The following C3orf20 variants were observed in gnomAD, a reference collection of about 807,000 sequenced individuals.
The protein encoded by C3orf20 is uncharacterized protein C3orf20.
C3orf20 carries 76 observed loss-of-function variants against 88.3 expected under a neutral mutation model. That is an observed-to-expected ratio of 0.86 (90% CI 0.72 to 1.04). The LOEUF (loss-of-function observed/expected upper bound fraction) is 1.04. Ranked by LOEUF, C3orf20 falls within the 50% of genes least tolerant of loss-of-function variation. The probability of loss-of-function intolerance (pLI) is 0.00; values close to 1 mark genes in which losing one functional copy is unlikely to be tolerated. For synonymous variants in C3orf20, 436 were observed against 437.4 expected, an observed-to-expected ratio of 1.00 and a Z score of 0.04; for missense variants, 1,056 against 1,123.3, an observed-to-expected ratio of 0.94 and a Z score of 0.86.
intron 15 of C3orf20, among the ~76,000 whole-genome samples, chr3:14,769,748 C>T (rs745661117): frequency 1.3e-5 from 2 of 151,944 alleles, no homozygotes; most frequent in East Asian, 1.9e-4. Context: ...TCTGGTGGGG[C>T]GCGGGGTAGG....
At chr3:14,730,973 G>A (rs13087418) in intron 12 of C3orf20, among the ~76,000 whole-genome samples, 39,548 of 152,000 alleles carry the variant, frequency 0.26, 5,301 homozygotes, top group South Asian at 0.37. Context: ...TTCCTCAGGG[G>A]ATACTTTCCA....
chr3:14,752,924 G>A (rs1575153889), intron 12 of C3orf20, among the ~76,000 whole-genome samples: 1 of 152,226 alleles, frequency 6.6e-6, no homozygotes, highest in South Asian at 2.1e-4. Context: ...GTGGAAGACA[G>A]TGTGGCAATT....
rs561059347 is a variant in C3orf20 at position 14,712,163 on chromosome 3, C to A, written c.1161-1844C>A. 2.6e-4 allele frequency among the ~76,000 whole-genome samples: 27 copies of A among 103,892 alleles called. No homozygotes were observed. In the South Asian group the frequency reaches 5.4e-3, roughly 21 times the overall value. The allele number at this position is 103,892 out of a possible 152,430, so 68.2% of individuals were successfully genotyped here. On this transcript the variant is annotated intron_variant, in intron 7 of 16. Coordinates refer to ENST00000253697, the MANE Select transcript of C3orf20 (RefSeq NM_032137.5). ...TAAGAAGAGAAAACAGACACACACA[C>A]GCACACACACGCGCGCGCGCACACA...
Position 14,740,700 on chromosome 3 carries a change from T to C in C3orf20, c.1940+12012T>C, listed in dbSNP as rs541579018. On this transcript the variant is annotated intron_variant, in intron 12 of 16. Coordinates refer to ENST00000253697, the MANE Select transcript of C3orf20 (RefSeq NM_032137.5). ...GTTCTGTATATTTCATCTTTTTTTT[T>C]CCCTTTTGGTCAGCCTAGGTATTTT... Among the ~76,000 whole-genome samples, 22 of 152,332 alleles carry C rather than the reference T, an allele frequency of 1.4e-4. No homozygotes were observed. In the South Asian group the frequency reaches 1.9e-3, roughly 13 times the overall value.
At chr3:14,675,480 G>T (rs968706714) in intron 1 of C3orf20, among the ~76,000 whole-genome samples, 1 of 147,216 alleles carries the variant, frequency 6.8e-6, no homozygotes, top group African/African-American at 2.5e-5. Flanking sequence ...AAATCCAAAT[G>T]TTCAAAGGAA....
intron 11 of C3orf20, 152 bp from the exon 12 acceptor site, chr3:14,728,287 G>A: frequency 1.2e-6 from 1 of 829,232 alleles, no homozygotes; most frequent in Admixed American, 2.4e-5. Context: ...TACTGTATTG[G>A]ACAGCAGAGG....
intron 12 of C3orf20, among the ~76,000 whole-genome samples, chr3:14,750,269 G>A (rs372166175): frequency 1.3e-5 from 2 of 152,262 alleles, no homozygotes; most frequent in African/African-American, 4.8e-5. Flanking sequence ...CTAGGCTGAG[G>A]CTGGGTGCAG....
chr3:14,701,404 A>G lies in C3orf20; in HGVS notation c.746-1726A>G, dbSNP rs1441347435. Among the ~76,000 whole-genome samples the G allele has an allele frequency of 3.9e-5, 6 of 152,130 alleles. No individual in the cohort carries two copies. Among genetic ancestry groups the G allele is most frequent in the African/African-American group, 1.4e-4 (6 of 41,438 alleles). ...TTAAGCCTGCATACTTCGAGGCTGC[A>G]GCTGGGTGGGAGTCAGAGGTTCATT... On this transcript the variant is annotated intron_variant, in intron 5 of 16. Coordinates refer to ENST00000253697, the MANE Select transcript of C3orf20 (RefSeq NM_032137.5). The surrounding 1 kb of genome is among the most constrained non-coding windows in gnomAD (Gnocchi z 4.6).
intron 10 of C3orf20, 118 bp downstream of exon 10, chr3:14,721,902 G>T: frequency 1.5e-6 from 2 of 1,329,346 alleles, no homozygotes; most frequent in Non-Finnish European, 2.1e-6. Flanking sequence ...GCAAGGCCCT[G>T]CCTTTTCCTC....
In C3orf20 at chr3:14,757,588, A is replaced by G. The variant is rs749129063; in HGVS notation, c.2158A>G (p.Asn720Asp). ...VLVFGIISSQ[N>D]YTSTGQLQWL... The stretch of plus-strand genomic sequence containing the variant: ...GGTGTTTGGGATCATCTCAAGCCAG[A>G]ACTACACCAGCACTGGGCAGCTCCA... The change falls in exon 13 of 17, where the codon AAC becomes GAC. Residue 720 changes from asparagine (N) to aspartate (D), a missense_variant. Asn to Asp is a conservative substitution (Grantham distance 23). Coordinates refer to ENST00000253697, the MANE Select transcript of C3orf20 (RefSeq NM_032137.5). 21 of 1,613,762 alleles carry G rather than the reference A, an allele frequency of 1.3e-5. No homozygotes were observed. In the South Asian group the frequency reaches 2.2e-4, roughly 17 times the overall value.
At chr3:14,736,471 A>T (rs2125001949) in intron 12 of C3orf20, among the ~76,000 whole-genome samples, 1 of 152,034 alleles carries the variant, frequency 6.6e-6, no homozygotes, top group East Asian at 1.9e-4. Flanking sequence ...TTGTATTTTT[A>T]GTAGAGATGA....
chr3:14,690,116 G>A lies in C3orf20; in HGVS notation c.745G>A (p.Gly249Ser), dbSNP rs9830589. 1.2e-6 allele frequency: 2 copies of A among 1,613,944 alleles called. No individual in the cohort carries two copies. Among genetic ancestry groups the A allele is most frequent in the East Asian group, 2.2e-5 (1 of 44,898 alleles). The stretch of plus-strand genomic sequence containing the variant: ...TGGAAAAGAAGCCAAGAAGAAAATA[G>A]GTAAAAATGGTTCCTCGTGGCCTAC... Reference protein sequence around the residue: ...SAGKEAKKKIGKSRTTEDVSM... With the variant: ...SAGKEAKKKISKSRTTEDVSM... The change falls in exon 5 of 17, where the codon GGC (glycine) becomes AGC (serine). Residue 249 changes from glycine to serine, a missense_variant and splice_region_variant. Physicochemically the swap from Gly to Ser is moderately conservative, Grantham distance 56 (BLOSUM62 0). Coordinates refer to ENST00000253697, the MANE Select transcript of C3orf20 (RefSeq NM_032137.5).
intron 13 of C3orf20, 71 bp from the exon 14 acceptor site, chr3:14,759,820 C>T (rs113057795): frequency 1.4e-5 from 19 of 1,332,608 alleles, no homozygotes; most frequent in African/African-American, 1.2e-4. Context: ...CAGGCCTAGC[C>T]GAGAATATGG....
chr3:14,731,586 G>A (rs1269553054), intron 12 of C3orf20, among the ~76,000 whole-genome samples: 3 of 152,144 alleles, frequency 2.0e-5, no homozygotes, highest in African/African-American at 4.8e-5. Context: ...AGTAACGTGT[G>A]CAATGTTTCT....
At chr3:14,692,010 T>TG (rs2124910064) in intron 5 of C3orf20, among the ~76,000 whole-genome samples, 1 of 152,382 alleles carries the variant, frequency 6.6e-6, no homozygotes, top group South Asian at 2.1e-4. Context: ...TTTCTGTGTC[T>TG]GGCTTATTTC....
intron 14 of C3orf20, among the ~76,000 whole-genome samples, chr3:14,760,285 G>A (rs1403899252): frequency 6.6e-6 from 1 of 152,170 alleles, no homozygotes; most frequent in Non-Finnish European, 1.5e-5. Flanking sequence ...TCATCTGTTT[G>A]TTTTTAAATG....
intron 5 of C3orf20, among the ~76,000 whole-genome samples, chr3:14,702,720 C>T (rs1335503193): frequency 2.6e-5 from 4 of 152,100 alleles, no homozygotes; most frequent in Admixed American, 2.6e-4. Context: ...GGATTACAGG[C>T]ACGAGCCACC....
intron 12 of C3orf20, among the ~76,000 whole-genome samples, chr3:14,733,978 C>T (rs868207487): frequency 1.3e-5 from 2 of 152,240 alleles, no homozygotes; most frequent in Non-Finnish European, 2.9e-5. Context: ...TGAGCCACTG[C>T]ACCCAGCCTA....
At chr3:14,753,050 GC>G (rs2035264473) in intron 12 of C3orf20, among the ~76,000 whole-genome samples, 1 of 152,148 alleles carries the variant, frequency 6.6e-6, no homozygotes, top group African/African-American at 2.4e-5. Flanking sequence ...TGTGTTTATT[GC>G]TGCACTATTC....
Sources: allele counts gnomAD v4.1 joint callset (sites outside exome capture counted in the v4.1 genomes callset), GRCh38; gene constraint gnomAD v4.1.1; non-coding constraint Gnocchi (gnomAD v3.1); transcripts MANE v1.5; gene names NCBI Gene and HGNC (gene_info 2026-07-23, HGNC 2026-07-21).